The following HIVEP3 variants were observed in gnomAD, a reference collection of about 807,000 sequenced individuals.
HIVEP3 encodes the protein HIVEP zinc finger 3, also known as transcription factor HIVEP3.
Under a neutral mutation model 152.8 loss-of-function variants are expected in HIVEP3, and 49 were observed. That is an observed-to-expected ratio of 0.32 (90% CI 0.26 to 0.41). The LOEUF is 0.41. Ranked by LOEUF, HIVEP3 falls within the 10% of genes least tolerant of loss-of-function variation. HIVEP3 has a pLI of 1.00. For synonymous variants in HIVEP3, 1,269 were observed against 1,289.0 expected (o/e 0.98, Z 0.33); for missense variants, 2,790 against 3,103.3 (o/e 0.90, Z 2.40).
chr1:41,799,300 T>G (rs1269948204), intron 1 of HIVEP3, among the ~76,000 whole-genome samples: 1 of 152,210 alleles, frequency 6.6e-6, no homozygotes, highest in Non-Finnish European at 1.5e-5. Context: ...AGGATCATTT[T>G]TCACCTCTCT....
chr1:41,722,964 G>A (rs912957671), intron 1 of HIVEP3, among the ~76,000 whole-genome samples: 116 of 152,290 alleles, frequency 7.6e-4, no homozygotes, highest in African/African-American at 2.7e-3. Flanking sequence ...GAGCTTTGAG[G>A]GAAAGAGGTA....
In HIVEP3 at chr1:41,581,492, C is replaced by T. The variant is rs543076190; in HGVS notation, c.3306G>A (p.Lys1102=). Residue 1102 remains lysine (K), a synonymous_variant, in exon 4 of 9, where the codon AAG becomes AAA. Coordinates refer to ENST00000372583, the MANE Select transcript of HIVEP3 (RefSeq NM_024503.5). The surrounding 1 kb of genome is among the most constrained non-coding windows in gnomAD (Gnocchi z 4.5). Reference sequence around the variant, plus strand: ...ATGGGGGCCTGTCCTGCCCTGGGCCCTTGCCTCCCGGGGGTCCACCATGTG... The same window carrying T: ...ATGGGGGCCTGTCCTGCCCTGGGCCTTTGCCTCCCGGGGGTCCACCATGTG... The part of the protein sequence containing the change: ...ATSHGGPPGG[K]GPGQDRPPLG... 2.5e-4 allele frequency: 389 copies of T among 1,574,598 alleles called. 2 individuals carry two copies. The South Asian group carries it at 4.4e-3, about 18-fold the overall frequency.
chr1:41,777,598 A>G (rs917363674), intron 1 of HIVEP3, among the ~76,000 whole-genome samples: 8 of 152,256 alleles, frequency 5.3e-5, no homozygotes, highest in Non-Finnish European at 1.0e-4. Flanking sequence ...AAAACTGCAT[A>G]TAACAGTTCA....
intron 1 of HIVEP3, among the ~76,000 whole-genome samples, chr1:41,711,844 C>T (rs1646518182): frequency 6.6e-6 from 1 of 152,116 alleles, no homozygotes; most frequent in Admixed American, 6.5e-5. Context: ...GCACCTGACT[C>T]TAAACAATGG....
At chr1:41,528,667 C>A (rs200414223) in intron 5 of HIVEP3, among the ~76,000 whole-genome samples, 2 of 121,310 alleles carry the variant, frequency 1.6e-5, no homozygotes, top group Admixed American at 1.6e-4. Flanking sequence ...CCATCCTCAC[C>A]TTCACACTCA....
intron 1 of HIVEP3, among the ~76,000 whole-genome samples, chr1:41,756,162 C>T (rs1228827546): frequency 6.6e-6 from 1 of 152,062 alleles, no homozygotes; most frequent in African/African-American, 2.4e-5. Context: ...ATACAGATCT[C>T]GGATAAATAT....
chr1:41,857,756 A>AG (rs1643808149), intron 1 of HIVEP3, among the ~76,000 whole-genome samples: 1 of 152,218 alleles, frequency 6.6e-6, no homozygotes, highest in South Asian at 2.1e-4. Flanking sequence ...GGAAAGAGGT[A>AG]GGGGTGAGAC....
At chr1:41,605,931 T>C (rs1644817366) in intron 3 of HIVEP3, among the ~76,000 whole-genome samples, 2 of 152,230 alleles carry the variant, frequency 1.3e-5, no homozygotes, top group African/African-American at 2.4e-5. Context: ...ACGGTCATGA[T>C]ACATCTGATG....
At chr1:41,877,697 A>G (rs1209576943) in intron 1 of HIVEP3, among the ~76,000 whole-genome samples, 3 of 152,092 alleles carry the variant, frequency 2.0e-5, no homozygotes, top group Non-Finnish European at 4.4e-5. Context: ...GGTTCATGTT[A>G]AAGGAGACCC....
At chr1:41,645,116 G>A (rs917423972) in intron 2 of HIVEP3, among the ~76,000 whole-genome samples, 2 of 152,110 alleles carry the variant, frequency 1.3e-5, no homozygotes, top group African/African-American at 4.8e-5. Flanking sequence ...GAGAATCCTT[G>A]GTTTTGAACA....
intron 1 of HIVEP3, among the ~76,000 whole-genome samples, chr1:41,734,397 C>G (rs866136228): frequency 6.6e-6 from 1 of 152,236 alleles, no homozygotes; most frequent in African/African-American, 2.4e-5. Flanking sequence ...GAGAGATAGA[C>G]ATACATTCAG....
chr1:41,569,015 C>T (rs1644212183), intron 5 of HIVEP3, among the ~76,000 whole-genome samples: 1 of 152,170 alleles, frequency 6.6e-6, no homozygotes, highest in Admixed American at 6.5e-5. Context: ...TGACACATCC[C>T]TCCCGCTCTT....
chr1:41,627,070 T>C (rs1326907140), intron 3 of HIVEP3, among the ~76,000 whole-genome samples: 5 of 152,304 alleles, frequency 3.3e-5, no homozygotes, highest in Admixed American at 2.6e-4. Context: ...TCGGTCCCCG[T>C]GCTTCAGCCT....
intron 1 of HIVEP3, among the ~76,000 whole-genome samples, chr1:42,009,591 C>T (rs541357187): frequency 6.6e-6 from 1 of 152,270 alleles, no homozygotes; most frequent in East Asian, 1.9e-4. Flanking sequence ...TTGCTCTATA[C>T]ACATCTTAGA....
At chr1:41,964,108 T>C (rs967396427) in intron 1 of HIVEP3, among the ~76,000 whole-genome samples, 7 of 152,138 alleles carry the variant, frequency 4.6e-5, no homozygotes, top group African/African-American at 1.7e-4. Context: ...AAAGGAAAAC[T>C]TGTGGAGGAG....
chr1:41,699,767 T>C (rs545425494), intron 2 of HIVEP3, among the ~76,000 whole-genome samples: 2 of 152,188 alleles, frequency 1.3e-5, no homozygotes, highest in African/African-American at 4.8e-5. Flanking sequence ...GATTCTGACA[T>C]GTGCACCTCC....
At chr1:41,774,812 T>A (rs868378209) in intron 1 of HIVEP3, among the ~76,000 whole-genome samples, 5 of 88,604 alleles carry the variant, frequency 5.6e-5, no homozygotes, top group African/African-American at 2.1e-4. Flanking sequence ...TTATTTATTT[T>A]TTGAGACTGG....
At chr1:41,833,030 A>T (rs904643803) in intron 1 of HIVEP3, among the ~76,000 whole-genome samples, 4 of 152,226 alleles carry the variant, frequency 2.6e-5, no homozygotes, top group African/African-American at 9.6e-5. Flanking sequence ...AGATCCTACA[A>T]ATGCAAGTAG....
intron 1 of HIVEP3, among the ~76,000 whole-genome samples, chr1:42,014,630 T>C (rs1470895415): frequency 6.6e-6 from 1 of 152,164 alleles, no homozygotes; most frequent in Non-Finnish European, 1.5e-5. Context: ...CATCAGCTTA[T>C]TGTGTTGTGA....
Sources: allele counts gnomAD v4.1 joint callset (sites outside exome capture counted in the v4.1 genomes callset), GRCh38; gene constraint gnomAD v4.1.1; non-coding constraint Gnocchi (gnomAD v3.1); transcripts MANE v1.5; gene names NCBI Gene and HGNC (gene_info 2026-07-23, HGNC 2026-07-21).